Variants in IGF2R observed in about 807,000 individuals in gnomAD.
The protein encoded by IGF2R is insulin like growth factor 2 receptor, also known as cation-independent mannose-6-phosphate receptor.
Under a neutral mutation model 270.6 loss-of-function variants are expected in IGF2R, and 91 were observed. The observed-to-expected ratio is 0.34, with a 90% CI of 0.28 to 0.40. The LOEUF (loss-of-function observed/expected upper bound fraction) is 0.40. Among genes scored for constraint, IGF2R ranks in the 10% least tolerant of loss-of-function variants. The probability of loss-of-function intolerance (pLI) is 1.00; values close to 1 mark genes in which losing one functional copy is unlikely to be tolerated. For synonymous variants in IGF2R, 1,316 were observed against 1,258.9 expected, an observed-to-expected ratio of 1.05 and a Z score of -0.96; for missense variants, 2,805 against 3,188.3, an observed-to-expected ratio of 0.88 and a Z score of 2.90.
At chr6:160,037,509 G>A (rs1777854324) in intron 10 of IGF2R, among the ~76,000 whole-genome samples, 1 of 152,198 alleles carries the variant, frequency 6.6e-6, no homozygotes, top group African/African-American at 2.4e-5. Context: ...ATAGAAGTGT[G>A]GTTTAAGTTG....
chr6:160,033,171 C>A, intron 9 of IGF2R, 64 bp downstream of exon 9: 1 of 1,254,522 alleles, frequency 8.0e-7, no homozygotes, highest in Non-Finnish European at 1.1e-6. Flanking sequence ...GGGTTGCACT[C>A]TGGCGCCCAG....
chr6:160,034,660 C>A (rs1308276860), intron 10 of IGF2R, 138 bp downstream of exon 10: 5 of 537,890 alleles, frequency 9.3e-6, no homozygotes, highest in African/African-American at 1.9e-5. Flanking sequence ...AGCTCTAGCC[C>A]CCAGACTGGG....
At position 160,103,727 on chromosome 6, in the gene IGF2R, G is replaced by C. The variant is rs1031019370; in HGVS notation, c.6996-19G>C. On this transcript the variant is annotated intron_variant, in intron 46 of 47. Transcript: ENST00000356956. ...CCCTCTCTACACTGGAGTAATTATT[G>C]TCTCCTTTTTTTTTATAGGGAAACA... is the stretch of plus-strand genomic sequence containing the variant. The C allele has an allele frequency of 1.1e-5, 17 of 1,589,772 alleles. No homozygotes were observed. Among genetic ancestry groups the C allele is most frequent in the Admixed American group, 1.7e-5 (1 of 59,958 alleles).
rs952902262 is a variant in IGF2R at position 160,106,746 on chromosome 6, G to C, written c.*1662G>C. On this transcript the variant is annotated 3_prime_UTR_variant, in exon 48 of 48. Transcript: ENST00000356956. The stretch of plus-strand genomic sequence containing the variant: ...TAGGTGTTAACTTTGGGTCCAATCT[G>C]CCTTCCCTTGGCTCTTTCTAGATCC... 1.3e-5 allele frequency: 2 copies of C among 152,146 alleles called. No homozygotes were observed. The highest frequency in any genetic ancestry group is 4.8e-5 in the African/African-American group (2 of 41,422). The allele number at this position is 152,146 out of a possible 1,614,324, so 9.4% of individuals were successfully genotyped here. A position where few individuals can be genotyped will look rare whatever the true frequency, so the allele number is the denominator to read the frequency against.
chr6:160,043,317 G>A, intron 12 of IGF2R, 29 bp downstream of exon 12: 2 of 1,601,574 alleles, frequency 1.2e-6, no homozygotes. Context: ...GAAGATCTAG[G>A]TGATGCTTTT....
chr6:160,089,568 G>A (rs1056781706), intron 43 of IGF2R, among the ~76,000 whole-genome samples: 3 of 152,244 alleles, frequency 2.0e-5, no homozygotes, highest in Non-Finnish European at 4.4e-5. Context: ...GCTTACCAGT[G>A]TTTAGAAAAT....
In IGF2R at chr6:159,998,247, T is replaced by G. The variant is rs566926202; in HGVS notation, c.289+6924T>G. ...ATAATACTTCAATATTTTTGGCTAA[T>G]GAAAGTATGTCTTGAGTTTATGGTA... On this transcript the variant is annotated intron_variant, in intron 2 of 47. Coordinates refer to ENST00000356956, the MANE Select transcript of IGF2R (RefSeq NM_000876.4). The surrounding 1 kb of genome is among the most constrained non-coding windows in gnomAD (Gnocchi z 4.1). Among the ~76,000 whole-genome samples, 3 of 152,364 alleles carry G rather than the reference T, an allele frequency of 2.0e-5. No individual in the cohort carries two copies. The East Asian group carries it at 5.8e-4, about 29-fold the overall frequency.
intron 8 of IGF2R, 53 bp from the exon 9 acceptor site, chr6:160,032,889 T>C (rs1777729095): frequency 6.9e-7 from 1 of 1,455,948 alleles, no homozygotes; most frequent in Non-Finnish European, 9.5e-7. Flanking sequence ...TGTAATCTTC[T>C]AATACCTATT....
intron 1 of IGF2R, among the ~76,000 whole-genome samples, chr6:159,984,743 G>A (rs1407181868): frequency 1.3e-5 from 2 of 152,094 alleles, no homozygotes; most frequent in African/African-American, 2.4e-5. Flanking sequence ...ATGACGTATC[G>A]CCATTAAGTG....
intron 36 of IGF2R, among the ~76,000 whole-genome samples, chr6:160,077,558 AAGC>A (rs1450144586): frequency 6.6e-6 from 1 of 152,208 alleles, no homozygotes; most frequent in African/African-American, 2.4e-5. Flanking sequence ...TTTAGAAATG[AAGC>A]ATCTTATGCT....
At chr6:160,063,039 G>GT (rs35789923) in intron 26 of IGF2R, among the ~76,000 whole-genome samples, 3,404 of 131,248 alleles carry the variant, frequency 0.026, 99 homozygotes, top group African/African-American at 0.066. Flanking sequence ...AATTGTAAAA[G>GT]TTTTTTTTTT....
At chr6:159,974,449 T>A (rs1343327561) in intron 1 of IGF2R, among the ~76,000 whole-genome samples, 1 of 152,214 alleles carries the variant, frequency 6.6e-6, no homozygotes, top group East Asian at 1.9e-4. Context: ...TTCTTAGATA[T>A]GTGTGAGGTA....
chr6:159,991,953 C>T (rs1213806851), intron 2 of IGF2R, among the ~76,000 whole-genome samples: 2 of 152,174 alleles, frequency 1.3e-5, no homozygotes, highest in Non-Finnish European at 2.9e-5. Flanking sequence ...CACCAGGTTA[C>T]ATAGAGTGGA....
chr6:160,049,847 C>T (rs922855955), intron 18 of IGF2R, among the ~76,000 whole-genome samples: 4 of 152,120 alleles, frequency 2.6e-5, no homozygotes, highest in Admixed American at 6.5e-5. Flanking sequence ...CCAGTCAGTA[C>T]GCTGAGACAT....
At chr6:160,012,385 T>C (rs1784347785) in intron 4 of IGF2R, among the ~76,000 whole-genome samples, 1 of 152,098 alleles carries the variant, frequency 6.6e-6, no homozygotes, top group East Asian at 1.9e-4. Flanking sequence ...AAAAGAGGTA[T>C]AATTAGCTCA....
chr6:160,013,249 C>T (rs1321090320), intron 4 of IGF2R, among the ~76,000 whole-genome samples: 1 of 151,998 alleles, frequency 6.6e-6, no homozygotes, highest in Admixed American at 6.6e-5. Context: ...TCACCAACTA[C>T]AGCCCATGGT....
chr6:160,024,776 C>A, intron 5 of IGF2R, 72 bp downstream of exon 5: 1 of 1,505,778 alleles, frequency 6.6e-7, no homozygotes, highest in Middle Eastern at 1.8e-4. Context: ...CTTTGCCTTT[C>A]TACCTTTATT....
chr6:160,096,091 A>G (rs1779350287), intron 44 of IGF2R: 2 of 178,476 alleles, frequency 1.1e-5, no homozygotes, highest in Middle Eastern at 2.3e-3. Flanking sequence ...TGCATATTTA[A>G]AGTTCCTAAA....
At chr6:159,997,319 G>C (rs1784067629) in intron 2 of IGF2R, among the ~76,000 whole-genome samples, 1 of 152,194 alleles carries the variant, frequency 6.6e-6, no homozygotes, top group Admixed American at 6.5e-5. Context: ...AGTCTCAGCA[G>C]GTGCCAAGAA....
Sources: gnomAD v4.1 joint callset for allele counts (sites outside exome capture counted in the v4.1 genomes callset) on GRCh38, gnomAD v4.1.1 for gene constraint, Gnocchi (gnomAD v3.1) non-coding constraint, MANE v1.5 for transcripts, NCBI Gene and HGNC (gene_info 2026-07-23, HGNC 2026-07-21) for gene names.